The following CTPS2 variants were observed in gnomAD, a reference collection of about 807,000 sequenced individuals.
CTPS2 encodes CTP synthase 2.
CTPS2 carries 19 observed loss-of-function variants against 46.8 expected under a neutral mutation model. The ratio of observed to expected loss-of-function variants is 0.41; its 90% CI spans 0.28 to 0.60. The LOEUF is 0.60. CTPS2 is among the 20% of genes least tolerant of loss of function. The pLI, the probability that CTPS2 is intolerant of heterozygous loss-of-function variation, is 0.35. For synonymous variants in CTPS2, 151 were observed against 165.2 expected, an observed-to-expected ratio of 0.91 and a Z score of 0.66; for missense variants, 286 against 447.6, an observed-to-expected ratio of 0.64 and a Z score of 3.26.
intron 14 of CTPS2, among the ~76,000 whole-genome samples, chrX:16,632,761 G>T (rs959458282): frequency 2.7e-5 from 3 of 111,230 alleles, no homozygotes; most frequent in Non-Finnish European, 5.7e-5. Flanking sequence ...AGCACTAGAT[G>T]GGGGAGCCAG....
chrX:16,683,742 T>G (rs1382094992), intron 8 of CTPS2, among the ~76,000 whole-genome samples: 1 of 112,523 alleles, frequency 8.9e-6, no homozygotes, highest in Non-Finnish European at 1.9e-5. Context: ...TATTCTTACA[T>G]TGGTTAATAA....
chrX:16,637,380 G>A (rs6632857), intron 14 of CTPS2, among the ~76,000 whole-genome samples: 1 of 111,585 alleles, frequency 9.0e-6, no homozygotes, highest in Admixed American at 9.5e-5. Flanking sequence ...CACCATGCCA[G>A]GCTAATTTTT....
chrX:16,695,641 T>C (rs1432427610), intron 4 of CTPS2, among the ~76,000 whole-genome samples: 2 of 110,788 alleles, frequency 1.8e-5, no homozygotes, highest in Non-Finnish European at 3.8e-5. Context: ...AAGCTCCGCC[T>C]CCTGGGTGCA....
chrX:16,648,479 T>C (rs1306725378), intron 13 of CTPS2, among the ~76,000 whole-genome samples: 1 of 112,391 alleles, frequency 8.9e-6, no homozygotes, highest in Non-Finnish European at 1.9e-5. Context: ...TGAAATATTT[T>C]TTAAAAGATG....
intron 14 of CTPS2, among the ~76,000 whole-genome samples, chrX:16,621,142 GCAGCTAAGCACAGCACC>G (rs1930805167): frequency 1.8e-5 from 2 of 110,022 alleles, no homozygotes; most frequent in African/African-American, 6.6e-5. Context: ...CTGAGGCACT[GCAGCTAAGCACAGCACC>G]CTGGGCATGA....
chrX:16,699,400 C>G (rs1186336220), intron 2 of CTPS2, among the ~76,000 whole-genome samples: 10 of 111,842 alleles, frequency 8.9e-5, no homozygotes, highest in African/African-American at 2.9e-4. Context: ...TAAAAACAAA[C>G]AGCATTTTAC....
At chrX:16,647,373 TTC>T (rs1932377877) in intron 13 of CTPS2, among the ~76,000 whole-genome samples, 1 of 101,434 alleles carries the variant, frequency 9.9e-6, no homozygotes. Flanking sequence ...GTTCAAGCAA[TTC>T]TCCTGCCTCA....
chrX:16,618,031 G>A (rs1239781680), intron 15 of CTPS2, among the ~76,000 whole-genome samples: 1 of 111,707 alleles, frequency 9.0e-6, no homozygotes, highest in Non-Finnish European at 1.9e-5. Context: ...ATTCAGAGGT[G>A]TACAACCATT....
intron 13 of CTPS2, among the ~76,000 whole-genome samples, chrX:16,660,275 G>T (rs1357973221): frequency 1.8e-5 from 2 of 110,041 alleles, no homozygotes; most frequent in Non-Finnish European, 3.8e-5. Flanking sequence ...GAGTGGAGTG[G>T]CATGATCATG....
rs1009319649 is a variant in CTPS2, at chrX:16,599,467, C to CTT, written c.1692-8607_1692-8606dup. Among the ~76,000 whole-genome samples, 436 of 94,346 alleles carry CTT rather than the reference C, an allele frequency of 4.6e-3. 8 individuals are homozygous for CTT. Among genetic ancestry groups the CTT allele is most frequent in the African/African-American group, 0.017 (417 of 23,964 alleles). 81.9% of individuals were successfully genotyped at this position (94,346 alleles called of 115,157 possible). ...ATGTAGTTCTTTTCTTTTTCTTTTT[C>CTT]TTTTTTTTCTTTTTTTTTTTTTTTT... On this transcript the variant is annotated intron_variant, in intron 17 of 18. Transcript: ENST00000359276.
intron 10 of CTPS2, among the ~76,000 whole-genome samples, chrX:16,676,877 T>A (rs759828550): frequency 1.8e-5 from 2 of 110,518 alleles, no homozygotes; most frequent in Non-Finnish European, 3.8e-5. Context: ...CTGGCCAACA[T>A]GGTGAAACCC....
intron 16 of CTPS2, among the ~76,000 whole-genome samples, chrX:16,615,325 C>A (rs1200595186): frequency 9.0e-6 from 1 of 111,202 alleles, no homozygotes; most frequent in Non-Finnish European, 1.9e-5. Context: ...GGTGACAGAG[C>A]TAGACCCTGT....
At chrX:16,693,061 T>TAAAAAA in intron 6 of CTPS2, 80 bp downstream of exon 6, 1 of 554,020 alleles carries the variant, frequency 1.8e-6, no homozygotes, top group South Asian at 2.9e-5. Context: ...CGTCTCAAAT[T>TAAAAAA]AAAAAAAAAA....
At chrX:16,662,977 G>A (rs908381216) in intron 13 of CTPS2, among the ~76,000 whole-genome samples, 1 of 111,542 alleles carries the variant, frequency 9.0e-6, no homozygotes, top group Admixed American at 9.6e-5. Context: ...ATAAATTAAA[G>A]CAGCAAAATA....
chrX:16,673,182 G>T (rs1050524270), intron 10 of CTPS2, among the ~76,000 whole-genome samples: 1 of 111,048 alleles, frequency 9.0e-6, no homozygotes, highest in Non-Finnish European at 1.9e-5. Flanking sequence ...CACCGCGCCC[G>T]GCCGAGGCTA....
intron 16 of CTPS2, 126 bp from the exon 17 acceptor site, chrX:16,609,811 C>T: frequency 1.5e-6 from 1 of 677,727 alleles, no homozygotes; most frequent in Non-Finnish European, 2.1e-6. Context: ...GTTATCATTA[C>T]AGCCAGTTAC....
At chrX:16,600,667 G>A (rs769744556) in intron 17 of CTPS2, among the ~76,000 whole-genome samples, 20 of 111,667 alleles carry the variant, frequency 1.8e-4, no homozygotes, top group African/African-American at 6.5e-4. Flanking sequence ...TTTAACCAAC[G>A]TTTATCCCAC....
intron 1 of CTPS2, among the ~76,000 whole-genome samples, chrX:16,703,523 G>C (rs1427878565): frequency 9.1e-6 from 1 of 109,880 alleles, no homozygotes; most frequent in Non-Finnish European, 1.9e-5. Flanking sequence ...TGTAAAGACA[G>C]GTTCTTACTA....
At chrX:16,647,817 C>T (rs1932398962) in intron 13 of CTPS2, among the ~76,000 whole-genome samples, 1 of 111,522 alleles carries the variant, frequency 9.0e-6, no homozygotes, top group African/African-American at 3.3e-5. Context: ...TGCAGTGGCT[C>T]ACGCCTGTAA....
Sources: gnomAD v4.1 joint callset for allele counts (sites outside exome capture counted in the v4.1 genomes callset) on GRCh38, gnomAD v4.1.1 for gene constraint, MANE v1.5 for transcripts, NCBI Gene and HGNC (gene_info 2026-07-23, HGNC 2026-07-21) for gene names.